The following TNS3 variants were observed in gnomAD, a reference collection of about 807,000 sequenced individuals.
The protein encoded by TNS3 is tensin 3, also known as tensin-3.
Under a neutral mutation model 140.9 loss-of-function variants are expected in TNS3, and 45 were observed. The observed-to-expected ratio is 0.32, with a 90% CI of 0.25 to 0.41. The LOEUF is 0.41. Among genes scored for constraint, TNS3 ranks in the 10% least tolerant of loss-of-function variants. TNS3 has a pLI of 1.00. For synonymous variants in TNS3, 815 were observed against 788.4 expected (o/e 1.03, Z -0.56); for missense variants, 1,716 against 1,906.7 (o/e 0.90, Z 1.86).
In TNS3 at chr7:47,401,047, AGTGGAACT is replaced by A. The variant is rs1423937654; in HGVS notation, c.724-141_724-134del. 2.2e-6 allele frequency: 3 copies of A among 1,345,638 alleles called. No individual in the cohort carries two copies. In the Admixed American group the frequency reaches 7.1e-5, roughly 32 times the overall value. The allele number at this position is 1,345,638 out of a possible 1,614,324, so 83.4% of individuals were successfully genotyped here. ...CTCTGGCTGGGAGTTCACGCTTTGG[AGTGGAACT>A]TCAGCCCTGGGGCACAGGCGCCTGC... On this transcript the variant is annotated intron_variant, in intron 13 of 30. Transcript: ENST00000311160.
At chr7:47,482,579 G>T (rs747265635) in intron 3 of TNS3, among the ~76,000 whole-genome samples, 1 of 152,182 alleles carries the variant, frequency 6.6e-6, no homozygotes, top group African/African-American at 2.4e-5. Flanking sequence ...TTAACAGAGC[G>T]GTGTGACTTA....
At chr7:47,382,771 C>T (rs1213827268) in intron 16 of TNS3, among the ~76,000 whole-genome samples, 2 of 151,194 alleles carry the variant, frequency 1.3e-5, no homozygotes, top group Non-Finnish European at 2.9e-5. Flanking sequence ...TCTCCATATA[C>T]ACAGATTTCT....
intron 4 of TNS3, among the ~76,000 whole-genome samples, chr7:47,467,380 A>T (rs1796762898): frequency 6.6e-6 from 1 of 152,242 alleles, no homozygotes. Flanking sequence ...TGAGTCTCCA[A>T]ATATGACAAG....
intron 4 of TNS3, among the ~76,000 whole-genome samples, chr7:47,470,078 T>C (rs886181399): frequency 6.6e-6 from 1 of 151,064 alleles, no homozygotes; most frequent in African/African-American, 2.4e-5. Context: ...CATAGATGGA[T>C]GTGGATGCCA....
intron 3 of TNS3, among the ~76,000 whole-genome samples, chr7:47,484,958 C>G (rs1267314348): frequency 5.3e-5 from 8 of 152,222 alleles, no homozygotes; most frequent in Non-Finnish European, 2.9e-5. Context: ...GCCAGTCTGA[C>G]TTATTCAGAG....
At chr7:47,504,596 A>G (rs1362794232) in intron 3 of TNS3, among the ~76,000 whole-genome samples, 1 of 152,234 alleles carries the variant, frequency 6.6e-6, no homozygotes, top group African/African-American at 2.4e-5. Context: ...GCGTCTAAGG[A>G]GCCCACTGGG....
rs1285896279 is a variant in TNS3, at chr7:47,399,860, A to G, written c.919+533T>C. On this transcript the variant is annotated intron_variant, in intron 15 of 30. Transcript: ENST00000311160. ...TAAACTAAAAATCTTCTGTACCACA[A>G]AAGAAATAATCATCAGAGTAAACAG... Among the ~76,000 whole-genome samples, 6 of 152,242 alleles carry G rather than the reference A, an allele frequency of 3.9e-5. No homozygotes were observed. In the East Asian group the frequency reaches 9.6e-4, roughly 24 times the overall value.
chr7:47,563,069 G>A (rs2152001068), intron 1 of TNS3, among the ~76,000 whole-genome samples: 1 of 152,302 alleles, frequency 6.6e-6, no homozygotes, highest in Middle Eastern at 3.4e-3. Context: ...TAACAGCGAA[G>A]CTAGGCAAAA....
chr7:47,562,083 C>T (rs958684114), intron 1 of TNS3, among the ~76,000 whole-genome samples: 3 of 152,222 alleles, frequency 2.0e-5, no homozygotes, highest in Non-Finnish European at 4.4e-5. Flanking sequence ...AGCACAGTTG[C>T]AATACAGTTT....
chr7:47,475,285 A>G (rs1797146653), intron 4 of TNS3, among the ~76,000 whole-genome samples: 1 of 152,224 alleles, frequency 6.6e-6, no homozygotes, highest in Non-Finnish European at 1.5e-5. Context: ...AACCAAGAGA[A>G]GCACCGCCCT....
At chr7:47,282,064 T>C (rs773977421) in intron 28 of TNS3, among the ~76,000 whole-genome samples, 19 of 151,246 alleles carry the variant, frequency 1.3e-4, no homozygotes, top group Non-Finnish European at 2.4e-4. Flanking sequence ...TCCCAAACCC[T>C]AAGTCCACCA....
intron 2 of TNS3, among the ~76,000 whole-genome samples, chr7:47,520,386 A>G (rs1798930671): frequency 6.6e-6 from 1 of 152,182 alleles, no homozygotes; most frequent in Admixed American, 6.5e-5. Flanking sequence ...TGCAAAACAA[A>G]TACTTGGATT....
At position 47,369,507 on chromosome 7, in the gene TNS3, G is replaced by C; in HGVS notation, c.1139C>G (p.Pro380Arg). The C allele has an allele frequency of 6.2e-7, 1 of 1,614,102 alleles. No individual in the cohort carries two copies. Among genetic ancestry groups the C allele is most frequent in the East Asian group, 2.2e-5 (1 of 44,886 alleles). The part of the protein sequence containing the change: ...GPQAIPATNS[P>R]DHSDHTLSVS... ...AGACAAGGTGTGGTCACTGTGGTCTGGGCTGTTGGTGGCCGGGATTGCCTG... is the reference window on the plus strand; with the variant it reads ...AGACAAGGTGTGGTCACTGTGGTCTCGGCTGTTGGTGGCCGGGATTGCCTG... Residue 380 changes from proline to arginine, a missense_variant, in exon 17 of 31, where the codon CCA becomes CGA. By Grantham distance (103) the Pro-to-Arg change is moderately radical. Transcript: ENST00000311160.
intron 20 of TNS3, among the ~76,000 whole-genome samples, chr7:47,307,329 G>A (rs995366638): frequency 6.6e-6 from 1 of 152,134 alleles, no homozygotes; most frequent in African/African-American, 2.4e-5. Context: ...TGTATACATA[G>A]CTCATTGCTT....
chr7:47,367,791 C>CCA (rs1366623082), intron 17 of TNS3, among the ~76,000 whole-genome samples: 1 of 152,244 alleles, frequency 6.6e-6, no homozygotes, highest in African/African-American at 2.4e-5. Context: ...CCACTGCCTT[C>CCA]CATAACCAGT....
chr7:47,539,789 A>G (rs1040171177), intron 1 of TNS3, among the ~76,000 whole-genome samples: 2 of 152,176 alleles, frequency 1.3e-5, no homozygotes, highest in Non-Finnish European at 2.9e-5. Flanking sequence ...TTTTCCACAC[A>G]CAGCACCAAG....
chr7:47,488,367 G>A (rs545398500), intron 3 of TNS3, among the ~76,000 whole-genome samples: 2 of 152,186 alleles, frequency 1.3e-5, no homozygotes, highest in African/African-American at 4.8e-5. Context: ...ACATACCACA[G>A]AATGGGCAGC....
chr7:47,403,347 G>A (rs1283939685), intron 13 of TNS3: 1 of 152,244 alleles, frequency 6.6e-6, no homozygotes, highest in Non-Finnish European at 1.5e-5. Context: ...TCCCAAACAG[G>A]TTCCTCTCCA....
intron 8 of TNS3, among the ~76,000 whole-genome samples, chr7:47,434,059 G>C (rs2151528533): frequency 6.6e-6 from 1 of 152,200 alleles, no homozygotes; most frequent in African/African-American, 2.4e-5. Context: ...GATCAAGTTA[G>C]ATGTGAGGAA....
Sources: allele counts gnomAD v4.1 joint callset (sites outside exome capture counted in the v4.1 genomes callset), GRCh38; gene constraint gnomAD v4.1.1; transcripts MANE v1.5; gene names NCBI Gene and HGNC (gene_info 2026-07-23, HGNC 2026-07-21).